The following CACNG3 variants were observed in gnomAD, a reference collection of about 807,000 sequenced individuals.
CACNG3 encodes voltage-dependent calcium channel gamma-3 subunit.
A neutral mutation model predicts 28.5 loss-of-function variants in CACNG3; 3 were observed. That is an observed-to-expected ratio of 0.11 (90% CI 0.05 to 0.27). The LOEUF is 0.27. Among genes scored for constraint, CACNG3 ranks in the 10% least tolerant of loss-of-function variants. The pLI, the probability that CACNG3 is intolerant of heterozygous loss-of-function variation, is 1.00. For synonymous variants in CACNG3, 174 were observed against 162.2 expected, an observed-to-expected ratio of 1.07 and a Z score of -0.55; for missense variants, 236 against 414.4, an observed-to-expected ratio of 0.57 and a Z score of 3.74.
chr16:24,289,450 C>T (rs1898937811), intron 1 of CACNG3, among the ~76,000 whole-genome samples: 1 of 152,146 alleles, frequency 6.6e-6, no homozygotes, highest in African/African-American at 2.4e-5. Flanking sequence ...CTAAAACTTT[C>T]AAGTTGGCAG....
In CACNG3 at chr16:24,308,313, T is replaced by G. The variant is rs567767512; in HGVS notation, c.212-38421T>G. On this transcript the variant is annotated intron_variant, in intron 1 of 3. Coordinates refer to ENST00000005284, the MANE Select transcript of CACNG3 (RefSeq NM_006539.4). ...AAGCACCCTGTCTAGTCCTCATTGC[T>G]TCCTGGACTAGATGTGACTGTTCCA... Among the ~76,000 whole-genome samples, 404 of 152,276 alleles carry G rather than the reference T, an allele frequency of 2.7e-3. 1 individual carries two copies. Among genetic ancestry groups the G allele is most frequent in the African/African-American group, 9.0e-3 (372 of 41,558 alleles).
chr16:24,283,869 C>A (rs1186570531), intron 1 of CACNG3, among the ~76,000 whole-genome samples: 1 of 152,128 alleles, frequency 6.6e-6, no homozygotes, highest in Admixed American at 6.5e-5. Flanking sequence ...GTGAATAACT[C>A]CTCCAGGTTT....
chr16:24,275,091 G>C (rs1898736586), intron 1 of CACNG3, among the ~76,000 whole-genome samples: 1 of 152,016 alleles, frequency 6.6e-6, no homozygotes, highest in African/African-American at 2.4e-5. Flanking sequence ...TGGGCAACGT[G>C]GTGCACATCT....
intron 1 of CACNG3, among the ~76,000 whole-genome samples, chr16:24,298,941 C>T (rs1351479593): frequency 6.6e-6 from 1 of 152,220 alleles, no homozygotes; most frequent in Non-Finnish European, 1.5e-5. Flanking sequence ...CTTCTCAACA[C>T]ATCAAATCAA....
intron 1 of CACNG3, among the ~76,000 whole-genome samples, chr16:24,296,261 C>T (rs1596631954): frequency 6.6e-6 from 1 of 152,218 alleles, no homozygotes; most frequent in Admixed American, 6.5e-5. Flanking sequence ...ACACCATGAA[C>T]TAAGTCAGTT....
At position 24,361,944 on chromosome 16, in the gene CACNG3, G is replaced by A. The variant is rs1900108459; in HGVS notation, c.*81G>A. 3.7e-6 allele frequency: 5 copies of A among 1,359,886 alleles called. No homozygotes were observed. The highest frequency in any genetic ancestry group is 5.0e-6 in the Non-Finnish European group (5 of 1,003,676). The allele number at this position is 1,359,886 out of a possible 1,614,324, so 84.2% of individuals were successfully genotyped here. ...GATGTCTCTGAGGTTGCATGGCATGGTCCTTGTGATGGTATTACTTTTTAC... is the reference window on the plus strand; with the variant it reads ...GATGTCTCTGAGGTTGCATGGCATGATCCTTGTGATGGTATTACTTTTTAC... On this transcript the variant is annotated 3_prime_UTR_variant, in exon 4 of 4. Transcript: ENST00000005284. This position sits in a 1 kb window ranked among gnomAD's most constrained non-coding sequence, Gnocchi z 6.8.
At chr16:24,278,577 C>A (rs1898781676) in intron 1 of CACNG3, among the ~76,000 whole-genome samples, 1 of 152,090 alleles carries the variant, frequency 6.6e-6, no homozygotes, top group Non-Finnish European at 1.5e-5. Flanking sequence ...GATTGCACCA[C>A]TGCACTCCAG....
chr16:24,274,213 AC>A (rs1898726000), intron 1 of CACNG3, among the ~76,000 whole-genome samples: 1 of 150,894 alleles, frequency 6.6e-6, no homozygotes, highest in South Asian at 2.1e-4. Flanking sequence ...AAAAAAAAAA[AC>A]TCAACCTCTA....
intron 1 of CACNG3, among the ~76,000 whole-genome samples, chr16:24,310,270 T>A (rs1899242606): frequency 6.6e-6 from 1 of 152,174 alleles, no homozygotes; most frequent in African/African-American, 2.4e-5. Context: ...AGCTCTTATT[T>A]AAACAGTGTT....
Position 24,277,541 on chromosome 16 carries a change from G to A in CACNG3, c.211+20576G>A, listed in dbSNP as rs192263909. 5.1e-3 allele frequency among the ~76,000 whole-genome samples: 771 copies of A among 152,248 alleles called. 14 individuals are homozygous for A. The highest frequency in any genetic ancestry group is 4.0e-3 in the Admixed American group (61 of 15,288). ...CGTGATCCCAGCACTTTGGGAGGCCGAGGTGCGCGGATCACTTGAGGTCAG... is the reference window on the plus strand; with the variant it reads ...CGTGATCCCAGCACTTTGGGAGGCCAAGGTGCGCGGATCACTTGAGGTCAG... On this transcript the variant is annotated intron_variant, in intron 1 of 3. Coordinates refer to ENST00000005284, the MANE Select transcript of CACNG3 (RefSeq NM_006539.4).
chr16:24,348,537 A>T (rs1036029293), intron 2 of CACNG3, among the ~76,000 whole-genome samples: 1 of 152,206 alleles, frequency 6.6e-6, no homozygotes, highest in African/African-American at 2.4e-5. Flanking sequence ...GAAGGATGTG[A>T]TCACTGTCTC....
At chr16:24,275,922 G>A (rs1014948998) in intron 1 of CACNG3, among the ~76,000 whole-genome samples, 2 of 152,220 alleles carry the variant, frequency 1.3e-5, no homozygotes, top group Non-Finnish European at 2.9e-5. Flanking sequence ...GGATTTTCAT[G>A]TAGTAGAGCA....
intron 1 of CACNG3, among the ~76,000 whole-genome samples, chr16:24,342,034 G>A (rs962064076): frequency 6.6e-6 from 1 of 152,226 alleles, no homozygotes; most frequent in Admixed American, 6.5e-5. Context: ...TTGGGAGGCT[G>A]CAGCAGGCGG....
At chr16:24,293,601 G>T (rs370718597) in intron 1 of CACNG3, among the ~76,000 whole-genome samples, 1 of 151,932 alleles carries the variant, frequency 6.6e-6, no homozygotes, top group African/African-American at 2.4e-5. Flanking sequence ...AATAGAACCC[G>T]CCCTCATTTA....
chr16:24,285,686 AAAAT>A (rs1417826334), intron 1 of CACNG3, among the ~76,000 whole-genome samples: 1 of 151,914 alleles, frequency 6.6e-6, no homozygotes, highest in East Asian at 1.9e-4. Context: ...TTTAAAGTGT[AAAAT>A]AAGTAATTAT....
chr16:24,331,009 T>C (rs541514591), intron 1 of CACNG3, among the ~76,000 whole-genome samples: 1 of 152,324 alleles, frequency 6.6e-6, no homozygotes, highest in Non-Finnish European at 1.5e-5. Flanking sequence ...AATTTATAGT[T>C]GTCATTCTCT....
At chr16:24,351,962 C>T (rs1899954534) in intron 2 of CACNG3, among the ~76,000 whole-genome samples, 1 of 151,446 alleles carries the variant, frequency 6.6e-6, no homozygotes, top group Non-Finnish European at 1.5e-5. Flanking sequence ...ACTACAGGCG[C>T]CCACCACCAC....
chr16:24,256,812 G>T lies in CACNG3; in HGVS notation c.58G>T (p.Ala20Ser), dbSNP rs751113122. Residue 20 changes from alanine (A) to serine (S), a missense_variant, in exon 1 of 4, where the codon GCT (alanine) becomes TCT (serine). By Grantham distance (99) the Ala-to-Ser change is moderately conservative. Coordinates refer to ENST00000005284, the MANE Select transcript of CACNG3 (RefSeq NM_006539.4). The surrounding 1 kb of genome is among the most constrained non-coding windows in gnomAD (Gnocchi z 4.6). ...MLITTVGAFA[A>S]FSLMTIAVGT... ...GATCACCACTGTAGGAGCCTTTGCC[G>T]CTTTTAGTTTAATGACCATTGCAGT... The T allele has an allele frequency of 1.6e-5, 26 of 1,613,752 alleles. No individual in the cohort carries two copies. Among genetic ancestry groups the T allele is most frequent in the Non-Finnish European group, 2.0e-5 (24 of 1,179,772 alleles).
chr16:24,272,300 C>T (rs1233699521), intron 1 of CACNG3, among the ~76,000 whole-genome samples: 1 of 151,804 alleles, frequency 6.6e-6, no homozygotes, highest in Non-Finnish European at 1.5e-5. Flanking sequence ...TCCTTTGTAC[C>T]CTCACTATAG....
Sources: gnomAD v4.1 joint callset for allele counts (sites outside exome capture counted in the v4.1 genomes callset) on GRCh38, gnomAD v4.1.1 for gene constraint, Gnocchi (gnomAD v3.1) non-coding constraint, MANE v1.5 for transcripts, NCBI Gene and HGNC (gene_info 2026-07-23, HGNC 2026-07-21) for gene names.